Variants in EFL1 observed in about 807,000 individuals in gnomAD.
The protein encoded by EFL1 is elongation factor like GTPase 1, also known as elongation factor-like GTPase 1.
In EFL1, 76 loss-of-function variants were observed where a neutral mutation model predicts 126.7. The observed-to-expected ratio is 0.60, with a 90% CI of 0.50 to 0.73. The LOEUF is 0.73. EFL1 is among the 30% of genes least tolerant of loss of function. EFL1 has a pLI of 0.00. For missense variants in EFL1, 1,128 were observed against 1,343.2 expected (o/e 0.84, Z 2.50); for synonymous variants, 410 against 448.4 (o/e 0.91, Z 1.08).
chr15:82,130,795 C>T (rs1432979996), intron 19 of EFL1, among the ~76,000 whole-genome samples: 6 of 152,054 alleles, frequency 3.9e-5, no homozygotes, highest in African/African-American at 7.3e-5. Flanking sequence ...CTCAGAAGTT[C>T]GAGACCGGCC....
At chr15:82,248,152 A>G (rs1437173265) in intron 4 of EFL1, among the ~76,000 whole-genome samples, 1 of 152,164 alleles carries the variant, frequency 6.6e-6, no homozygotes, top group African/African-American at 2.4e-5. Context: ...AAAATCAGGC[A>G]TATGAGACAC....
chr15:82,249,449 G>T (rs189626875), intron 4 of EFL1, among the ~76,000 whole-genome samples: 1 of 151,998 alleles, frequency 6.6e-6, no homozygotes, highest in East Asian at 1.9e-4. Flanking sequence ...AGCAATATTT[G>T]CTCAGATATA....
intron 17 of EFL1, among the ~76,000 whole-genome samples, chr15:82,156,687 CA>C (rs1398920467): frequency 6.6e-6 from 1 of 152,130 alleles, no homozygotes; most frequent in East Asian, 1.9e-4. Flanking sequence ...TAGTGCTTAA[CA>C]CAGTGACTGT....
intron 14 of EFL1, among the ~76,000 whole-genome samples, chr15:82,218,979 C>T (rs2074680106): frequency 6.6e-6 from 1 of 152,122 alleles, no homozygotes. Context: ...TGATGCTCCA[C>T]GGTGCCAGCT....
chr15:82,135,933 C>G (rs1196475821), intron 19 of EFL1, among the ~76,000 whole-genome samples: 3 of 152,144 alleles, frequency 2.0e-5, no homozygotes, highest in Non-Finnish European at 1.5e-5. Flanking sequence ...GCCTGGGCTC[C>G]TACCACAGTG....
chr15:82,132,578 A>G (rs2073663812), intron 19 of EFL1, among the ~76,000 whole-genome samples: 1 of 150,274 alleles, frequency 6.7e-6, no homozygotes, highest in South Asian at 2.1e-4. Flanking sequence ...GCACTAGAGT[A>G]ATAACTCTGG....
chr15:82,154,096 T>C (rs1212901106), intron 17 of EFL1, among the ~76,000 whole-genome samples: 1 of 152,180 alleles, frequency 6.6e-6, no homozygotes, highest in Non-Finnish European at 1.5e-5. Context: ...AAGTCTCCTG[T>C]AGTAATCATT....
intron 18 of EFL1, among the ~76,000 whole-genome samples, chr15:82,141,936 A>T (rs2073793451): frequency 6.6e-6 from 1 of 152,190 alleles, no homozygotes; most frequent in Admixed American, 6.5e-5. Flanking sequence ...TTCCATGAAA[A>T]CTATATGTTG....
rs754585196 is a variant in EFL1, at chr15:82,214,854, A to G, written c.1613T>C (p.Val538Ala). The G allele has an allele frequency of 1.8e-5, 29 of 1,588,994 alleles. No homozygotes were observed. Among genetic ancestry groups the G allele is most frequent in the Non-Finnish European group, 2.4e-5 (28 of 1,172,346 alleles). Residue 538 changes from valine to alanine, a missense_variant and splice_region_variant, in exon 15 of 20, where the codon GTA becomes GCA. Val to Ala is a moderately conservative substitution (Grantham distance 64). Transcript: ENST00000268206. ...TGGTGGAGCTGAGAAGCCTAATGGT[A>G]CCTGGGCAAAGAAAAATGATGGAAG... ...KYSPLEFLRR[V>A]PLGFSAPPDG...
At chr15:82,170,193 C>T (rs942733782) in intron 15 of EFL1, among the ~76,000 whole-genome samples, 61 of 141,204 alleles carry the variant, frequency 4.3e-4, no homozygotes, top group African/African-American at 1.6e-3. Flanking sequence ...CGGCTCACTG[C>T]AAGCTCCGCC....
chr15:82,191,533 A>C (rs1027146049), intron 15 of EFL1, among the ~76,000 whole-genome samples: 20 of 151,484 alleles, frequency 1.3e-4, no homozygotes, highest in Admixed American at 1.1e-3. Context: ...ATGGATTTCG[A>C]CATGAAATCC....
intron 1 of EFL1, 61 bp downstream of exon 1, chr15:82,262,553 T>C: frequency 4.1e-6 from 1 of 246,390 alleles, no homozygotes; most frequent in Non-Finnish European, 7.8e-6. Context: ...AGCGGGTTCC[T>C]CCGGCACCGC....
chr15:82,157,922 T>C, intron 16 of EFL1, 62 bp from the exon 17 acceptor site: 1 of 1,494,184 alleles, frequency 6.7e-7, no homozygotes, highest in Non-Finnish European at 9.0e-7. Flanking sequence ...TCAAAGACAA[T>C]GGCTCTGGCT....
chr15:82,139,799 C>T (rs1047432133), intron 18 of EFL1, among the ~76,000 whole-genome samples: 1 of 152,208 alleles, frequency 6.6e-6, no homozygotes, highest in Non-Finnish European at 1.5e-5. Context: ...CTAAGCAGGG[C>T]TAAAGTATCC....
chr15:82,252,258 G>A (rs989605323), intron 4 of EFL1, among the ~76,000 whole-genome samples: 11 of 152,082 alleles, frequency 7.2e-5, no homozygotes, highest in African/African-American at 2.7e-4. Flanking sequence ...GACTATTTCT[G>A]TCAGATAAAT....
Position 82,156,478 on chromosome 15 carries a change from T to C in EFL1, c.2030+1235A>G, listed in dbSNP as rs148376426. On this transcript the variant is annotated intron_variant, in intron 17 of 19. Coordinates refer to ENST00000268206, the MANE Select transcript of EFL1 (RefSeq NM_024580.6). ...TTTTGTATTTTTAGTAGAGAGGGAGTTTCACCATGTTGGCCAGGATGGTCT... is the reference window on the plus strand; with the variant it reads ...TTTTGTATTTTTAGTAGAGAGGGAGCTTCACCATGTTGGCCAGGATGGTCT... Among the ~76,000 whole-genome samples the C allele has an allele frequency of 8.2e-3, 1,243 of 152,278 alleles. 17 individuals carry two copies. The highest frequency in any genetic ancestry group is 0.028 in the African/African-American group (1,183 of 41,560).
Position 82,130,447 on chromosome 15 carries a change from G to A in EFL1, c.3289C>T (p.Arg1097Trp), listed in dbSNP as rs995543590. 10 of 1,613,972 alleles carry A rather than the reference G, an allele frequency of 6.2e-6. No homozygotes were observed. Among genetic ancestry groups the A allele is most frequent in the Non-Finnish European group, 7.6e-6 (9 of 1,180,030 alleles). ...ARKYMNAVRK[R>W]KGLYVEEKIV... ...TTTTCTTCCACATAAAGCCCCTTCC[G>A]CTTTCGTACTGCGTTCATGTACTTC... is the stretch of plus-strand genomic sequence containing the variant. Residue 1097 changes from arginine (R) to tryptophan (W), a missense_variant, in exon 20 of 20, where the codon CGG becomes TGG. Arg to Trp is a moderately radical substitution (Grantham distance 101). Coordinates refer to ENST00000268206, the MANE Select transcript of EFL1 (RefSeq NM_024580.6).
At chr15:82,178,765 G>A (rs1595963023) in intron 15 of EFL1, among the ~76,000 whole-genome samples, 1 of 152,220 alleles carries the variant, frequency 6.6e-6, no homozygotes, top group African/African-American at 2.4e-5. Context: ...CTCTGGACAT[G>A]CCCCTCCTCT....
chr15:82,249,411 T>C (rs1234978770), intron 4 of EFL1, among the ~76,000 whole-genome samples: 1 of 152,030 alleles, frequency 6.6e-6, no homozygotes, highest in Non-Finnish European at 1.5e-5. Context: ...AAAGATGAAT[T>C]AGATAAAAAC....
Sources: gnomAD v4.1 joint callset for allele counts (sites outside exome capture counted in the v4.1 genomes callset) on GRCh38, gnomAD v4.1.1 for gene constraint, MANE v1.5 for transcripts, NCBI Gene and HGNC (gene_info 2026-07-23, HGNC 2026-07-21) for gene names.